The following GALR2 variants were observed in gnomAD, a reference collection of about 807,000 sequenced individuals.
GALR2 encodes the protein galanin receptor type 2.
GALR2 carries 5 observed loss-of-function variants against 7.2 expected under a neutral mutation model. The observed-to-expected ratio is 0.69, with a 90% CI of 0.36 to 1.45. The LOEUF is 1.45. GALR2 is among the 40% of genes most tolerant of loss of function. GALR2 has a pLI of 0.03. For missense variants in GALR2, 561 were observed against 555.7 expected, an observed-to-expected ratio of 1.01 and a Z score of -0.10; for synonymous variants, 300 against 263.9, an observed-to-expected ratio of 1.14 and a Z score of -1.32.
rs1391178178 is a variant in GALR2 at position 76,074,910 on chromosome 17, C to G, written c.27C>G (p.Ala9=). The change falls in exon 1 of 2, where the codon GCC becomes GCG. Residue 9 remains alanine (A), a synonymous_variant. Transcript: ENST00000329003. The surrounding 1 kb of genome is among the most constrained non-coding windows in gnomAD (Gnocchi z 6.7). Reference sequence around the variant, plus strand: ...TGAACGTCTCGGGCTGCCCAGGGGCCGGGAACGCGAGCCAGGCGGGCGGCG... The same window carrying G: ...TGAACGTCTCGGGCTGCCCAGGGGCGGGGAACGCGAGCCAGGCGGGCGGCG... MNVSGCPG[A]GNASQAGGGG... 1.3e-6 allele frequency: 2 copies of G among 1,539,734 alleles called. No individual in the cohort carries two copies. The highest frequency in any genetic ancestry group is 2.4e-5 in the South Asian group (2 of 84,628).
At chr17:76,072,002 C>T, upstream of GALR2, 1 of 497,664 alleles carries the variant, frequency 2.0e-6, no homozygotes, top group South Asian at 2.3e-5. This position sits in a 1 kb window ranked among gnomAD's most constrained non-coding sequence, Gnocchi z 4.5. Context: ...AAGCAAGGTG[C>T]TCAAGGTGTC....
chr17:76,074,447 G>A (rs1297020131), upstream of GALR2, among the ~76,000 whole-genome samples: 2 of 152,216 alleles, frequency 1.3e-5, no homozygotes, highest in Non-Finnish European at 2.9e-5. The surrounding 1 kb of genome is among the most constrained non-coding windows in gnomAD (Gnocchi z 6.7). Context: ...GCCGAGGCGC[G>A]CGGAGTGCGA....
rs762099186 is a variant in GALR2 at position 76,075,124 on chromosome 17, T to C, written c.241T>C (p.Phe81Leu). Residue 81 changes from phenylalanine (F) to leucine (L), a missense_variant, in exon 1 of 2, where the codon TTC (phenylalanine) becomes CTC (leucine). Coordinates refer to ENST00000329003, the MANE Select transcript of GALR2 (RefSeq NM_003857.4). This position sits in a 1 kb window ranked among gnomAD's most constrained non-coding sequence, Gnocchi z 5.9. ...DLCFILCCVPFQATIYTLDGW... is the reference protein window; with the variant it reads ...DLCFILCCVPLQATIYTLDGW... ...GTGTTTCATCCTGTGCTGCGTGCCC[T>C]TCCAGGCCACCATCTACACCCTGGA... 6.2e-7 allele frequency: 1 copy of C among 1,611,550 alleles called. No homozygotes were observed. The highest frequency in any genetic ancestry group is 2.2e-5 in the East Asian group (1 of 44,788).
rs1175587457 is a variant in GALR2, at chr17:76,077,343, C to T, written c.1076C>T (p.Ser359Phe). Residue 359 changes from serine to phenylalanine, a missense_variant, in exon 2 of 2, where the codon TCC (serine) becomes TTC (phenylalanine). By Grantham distance (155) the Ser-to-Phe change is radical (BLOSUM62 -2). Transcript: ENST00000329003. ...AGALRPCPGA[S>F]QPCILEPCPG... ...GCCCTTCGTCCCTGCCCCGGCGCTT[C>T]CCAGCCATGCATCCTCGAGCCCTGT... The T allele has an allele frequency of 1.9e-6, 3 of 1,552,206 alleles. No homozygotes were observed. The highest frequency in any genetic ancestry group is 1.7e-6 in the Non-Finnish European group (2 of 1,156,708).
upstream of GALR2, chr17:76,072,143 G>C: frequency 1.5e-6 from 2 of 1,346,420 alleles, no homozygotes; most frequent in East Asian, 2.5e-5. This position sits in a 1 kb window ranked among gnomAD's most constrained non-coding sequence, Gnocchi z 4.5. Flanking sequence ...CTAGTCGAGA[G>C]ACAGACCCCC....
rs1407171961 is a variant in GALR2 at position 76,076,742 on chromosome 17, C to T, written c.475C>T (p.Pro159Ser). Residue 159 changes from proline to serine, a missense_variant, in exon 2 of 2, where the codon CCC becomes TCC. Physicochemically the swap from Pro to Ser is moderately conservative, Grantham distance 74. Transcript: ENST00000329003. This position sits in a 1 kb window ranked among gnomAD's most constrained non-coding sequence, Gnocchi z 6.5. ...IWGLSLLFSG[P>S]YLSYYRQSQL... is the part of the protein sequence containing the mutation. ...GGGGCTGTCGCTGCTCTTCTCCGGG[C>T]CCTACCTGAGCTACTACCGCCAGTC... The T allele has an allele frequency of 4.4e-6, 7 of 1,605,428 alleles. No homozygotes were observed. The highest frequency in any genetic ancestry group is 1.3e-5 in the African/African-American group (1 of 75,066).
chr17:76,073,295 G>A (rs2144542498), upstream of GALR2, among the ~76,000 whole-genome samples: 2 of 143,096 alleles, frequency 1.4e-5, no homozygotes, highest in South Asian at 4.3e-4. Context: ...ATTAAATGAC[G>A]GATTTTTTTT....
chr17:76,077,455 A>G lies in GALR2; in HGVS notation c.*24A>G. 6.9e-7 allele frequency: 1 copy of G among 1,440,974 alleles called. No homozygotes were observed. Among genetic ancestry groups the G allele is most frequent in the Non-Finnish European group, 9.1e-7 (1 of 1,102,280 alleles). The allele number at this position is 1,440,974 out of a possible 1,614,324, so 89.3% of individuals were successfully genotyped here. On this transcript the variant is annotated 3_prime_UTR_variant, in exon 2 of 2. Coordinates refer to ENST00000329003, the MANE Select transcript of GALR2 (RefSeq NM_003857.4). ...GAAAGCACTTAGCGGGCGCGCTGGG[A>G]TGTCACAGAGTTGGAGTCATTGTTG...
chr17:76,072,563 G>T, upstream of GALR2: 1 of 1,516,220 alleles, frequency 6.6e-7, no homozygotes, highest in South Asian at 1.3e-5. The surrounding 1 kb of genome is among the most constrained non-coding windows in gnomAD (Gnocchi z 4.5). Context: ...AGCTGGACCT[G>T]CCTGGCCGGG....
chr17:76,072,437 C>CGCCGCCACT (rs1455849646), upstream of GALR2: 58 of 1,582,704 alleles, frequency 3.7e-5, no homozygotes, highest in Non-Finnish European at 4.8e-5. This position sits in a 1 kb window ranked among gnomAD's most constrained non-coding sequence, Gnocchi z 4.5. Flanking sequence ...CTGCCACCGC[C>CGCCGCCACT]GCCGCCACTG....
rs746414961 is a variant in GALR2, at chr17:76,077,204, C to A, written c.937C>A (p.Arg313Ser). 1.2e-6 allele frequency: 2 copies of A among 1,609,078 alleles called. No homozygotes were observed. The highest frequency in any genetic ancestry group is 3.4e-5 in the Admixed American group (2 of 59,534). ...CACGATCTGCGCGGGCCTGCTGGGC[C>A]GTGCCCCAGGCCGAGCCTCGGGCCG... ...FRTICAGLLG[R>S]APGRASGRVC... Residue 313 changes from arginine to serine, a missense_variant, in exon 2 of 2, where the codon CGT becomes AGT. Coordinates refer to ENST00000329003, the MANE Select transcript of GALR2 (RefSeq NM_003857.4).
upstream of GALR2, among the ~76,000 whole-genome samples, chr17:76,074,375 G>A (rs1321969428): frequency 1.3e-5 from 2 of 152,188 alleles, no homozygotes; most frequent in African/African-American, 2.4e-5. The surrounding 1 kb of genome is among the most constrained non-coding windows in gnomAD (Gnocchi z 6.7). Context: ...CCTCTTTTGA[G>A]GGCACCCCAG....
Position 76,074,976 on chromosome 17 carries a change from C to T in GALR2, c.93C>T (p.Leu31=), listed in dbSNP as rs764772275. The change falls in exon 1 of 2, where the codon CTC becomes CTT. Residue 31 remains leucine (L), a synonymous_variant. Transcript: ENST00000329003. This position sits in a 1 kb window ranked among gnomAD's most constrained non-coding sequence, Gnocchi z 6.7. The stretch of plus-strand genomic sequence containing the variant: ...CCGAGGCGGTCATCGTGCCCCTGCT[C>T]TTCGCGCTCATCTTCCTCGTGGGCA... ...WHPEAVIVPL[L]FALIFLVGTV... The T allele has an allele frequency of 2.6e-5, 42 of 1,601,240 alleles. No individual in the cohort carries two copies. The highest frequency in any genetic ancestry group is 2.2e-5 in the East Asian group (1 of 44,722).
At chr17:76,072,526 G>A (rs1418960531), upstream of GALR2, 2 of 1,562,748 alleles carry the variant, frequency 1.3e-6, no homozygotes, top group African/African-American at 1.4e-5. This position sits in a 1 kb window ranked among gnomAD's most constrained non-coding sequence, Gnocchi z 4.5. Flanking sequence ...ACGGGATAGG[G>A]GAGGCGGGAC....
At position 76,076,772 on chromosome 17, in the gene GALR2, C is replaced by A; in HGVS notation, c.505C>A (p.Leu169Met). The A allele has an allele frequency of 6.2e-7, 1 of 1,606,062 alleles. No homozygotes were observed. The highest frequency in any genetic ancestry group is 8.5e-7 in the Non-Finnish European group (1 of 1,179,852). The change falls in exon 2 of 2, where the codon CTG becomes ATG. Residue 169 changes from leucine to methionine, a missense_variant. Coordinates refer to ENST00000329003, the MANE Select transcript of GALR2 (RefSeq NM_003857.4). This position sits in a 1 kb window ranked among gnomAD's most constrained non-coding sequence, Gnocchi z 6.5. The stretch of plus-strand genomic sequence containing the variant: ...CCTGAGCTACTACCGCCAGTCGCAG[C>A]TGGCCAACCTGACCGTGTGCCATCC... Reference protein sequence around the residue: ...PYLSYYRQSQLANLTVCHPAW... With the variant: ...PYLSYYRQSQMANLTVCHPAW...
chr17:76,072,523 A>G (rs1208932478), upstream of GALR2: 3 of 1,563,878 alleles, frequency 1.9e-6, no homozygotes, highest in African/African-American at 4.1e-5. The surrounding 1 kb of genome is among the most constrained non-coding windows in gnomAD (Gnocchi z 4.5). Flanking sequence ...AAGACGGGAT[A>G]GGGGAGGCGG....
chr17:76,072,537 G>C, upstream of GALR2: 3 of 1,554,778 alleles, frequency 1.9e-6, no homozygotes, highest in South Asian at 1.2e-5. The surrounding 1 kb of genome is among the most constrained non-coding windows in gnomAD (Gnocchi z 4.5). Context: ...GAGGCGGGAC[G>C]ACCTGGGCGG....
chr17:76,072,561 C>T (rs2066865754), upstream of GALR2: 5 of 1,520,442 alleles, frequency 3.3e-6, no homozygotes, highest in African/African-American at 1.4e-5. The surrounding 1 kb of genome is among the most constrained non-coding windows in gnomAD (Gnocchi z 4.5). Context: ...AGAGCTGGAC[C>T]TGCCTGGCCG....
At position 76,076,649 on chromosome 17, in the gene GALR2, C is replaced by T. The variant is rs768751291; in HGVS notation, c.382C>T (p.Arg128Cys). 6.3e-7 allele frequency: 1 copy of T among 1,584,910 alleles called. No individual in the cohort carries two copies. The highest frequency in any genetic ancestry group is 1.1e-5 in the South Asian group (1 of 89,522). Residue 128 changes from arginine to cysteine, a missense_variant, in exon 2 of 2, where the codon CGC (arginine) becomes TGC (cysteine). Physicochemically the swap from Arg to Cys is radical, Grantham distance 180. Coordinates refer to ENST00000329003, the MANE Select transcript of GALR2 (RefSeq NM_003857.4). This position sits in a 1 kb window ranked among gnomAD's most constrained non-coding sequence, Gnocchi z 6.5. ...AVSLDRYLAI[R>C]YPLHSRELRT... is the part of the protein sequence containing the mutation. ...GTCTGACCGCAGGTATCTGGCCATC[C>T]GCTACCCGCTGCACTCCCGCGAGCT...
Sources: gnomAD v4.1 joint callset for allele counts (sites outside exome capture counted in the v4.1 genomes callset) on GRCh38, gnomAD v4.1.1 for gene constraint, Gnocchi (gnomAD v3.1) non-coding constraint, MANE v1.5 for transcripts, NCBI Gene and HGNC (gene_info 2026-07-23, HGNC 2026-07-21) for gene names.